ATXN1: variants seen among roughly 807,000 people sequenced by gnomAD.
The protein encoded by ATXN1 is ataxin 1.
ATXN1 carries 8 observed loss-of-function variants against 56.4 expected under a neutral mutation model. The observed-to-expected ratio is 0.14, with a 90% CI of 0.08 to 0.26. The LOEUF is 0.26. Among genes scored for constraint, ATXN1 ranks in the 10% least tolerant of loss-of-function variants. The pLI, the probability that ATXN1 is intolerant of heterozygous loss-of-function variation, is 1.00. For missense variants in ATXN1, 987 were observed against 1,106.5 expected (o/e 0.89, Z 1.53); for synonymous variants, 514 against 494.6 (o/e 1.04, Z -0.52).
At chr6:16,591,386 G>A (rs1762719895) in intron 3 of ATXN1, among the ~76,000 whole-genome samples, 2 of 152,020 alleles carry the variant, frequency 1.3e-5, no homozygotes, top group Admixed American at 1.3e-4. Context: ...AAAATGAGAA[G>A]GTAGAATAGA....
At chr6:16,319,782 A>T (rs1760602184) in intron 7 of ATXN1, among the ~76,000 whole-genome samples, 2 of 152,312 alleles carry the variant, frequency 1.3e-5, no homozygotes, top group East Asian at 3.9e-4. Context: ...ACAGTCTGAG[A>T]GAATCAAAAC....
intron 4 of ATXN1, among the ~76,000 whole-genome samples, chr6:16,552,050 T>C (rs1205363308): frequency 6.6e-6 from 1 of 152,220 alleles, no homozygotes; most frequent in Non-Finnish European, 1.5e-5. Flanking sequence ...GGTGGATATG[T>C]GTCGTGGGAG....
At chr6:16,618,935 T>G (rs1057306343) in intron 3 of ATXN1, among the ~76,000 whole-genome samples, 1 of 152,038 alleles carries the variant, frequency 6.6e-6, no homozygotes, top group Non-Finnish European at 1.5e-5. Flanking sequence ...ATACATGTAA[T>G]TGTGAGTAAA....
At chr6:16,740,040 T>G (rs1054846187) in intron 2 of ATXN1, 5 of 326,898 alleles carry the variant, frequency 1.5e-5, no homozygotes, top group Admixed American at 7.0e-5. Context: ...AAGAGAGAGA[T>G]AGATGGCCTT....
At chr6:16,650,267 G>A (rs1763871366) in intron 3 of ATXN1, among the ~76,000 whole-genome samples, 1 of 152,200 alleles carries the variant, frequency 6.6e-6, no homozygotes, top group South Asian at 2.1e-4. Context: ...AGTCACGGGA[G>A]ATGAGATTTA....
chr6:16,505,093 G>A (rs544559788), intron 5 of ATXN1, among the ~76,000 whole-genome samples: 1 of 149,814 alleles, frequency 6.7e-6, no homozygotes, highest in African/African-American at 2.5e-5. Context: ...CACACCCTCC[G>A]AGGAACGTAG....
intron 3 of ATXN1, among the ~76,000 whole-genome samples, chr6:16,607,088 A>ATGTTGGTCAGGCTG (rs11272204): frequency 0.72 from 108,959 of 151,782 alleles, 39,855 homozygotes; most frequent in East Asian, 0.95. Context: ...GGGTTTCACC[A>ATGTTGGTCAGGCTG]GTTTAAAACT....
chr6:16,746,017 G>A lies in ATXN1; in HGVS notation c.-615+7216C>T, dbSNP rs372533683. ...GAGATACTACCATAAGCAACATCTAGAGAGTGAGTGCACATTTAATCTTTC... is the reference window on the plus strand; with the variant it reads ...GAGATACTACCATAAGCAACATCTAAAGAGTGAGTGCACATTTAATCTTTC... On this transcript the variant is annotated intron_variant, in intron 2 of 7. Coordinates refer to ENST00000436367, the MANE Select transcript of ATXN1 (RefSeq NM_001128164.2). Among the ~76,000 whole-genome samples, 17 of 151,524 alleles carry A rather than the reference G, an allele frequency of 1.1e-4. 1 individual carries two copies. The South Asian group carries it at 3.3e-3, about 30-fold the overall frequency.
At chr6:16,522,516 G>C (rs1015182434) in intron 5 of ATXN1, 111 bp downstream of exon 5, 9 of 152,038 alleles carry the variant, frequency 5.9e-5, no homozygotes, top group African/African-American at 1.9e-4. Context: ...TTCCAAGCAG[G>C]AGAAAACTAG....
chr6:16,601,220 A>T (rs1482922486), intron 3 of ATXN1, among the ~76,000 whole-genome samples: 2 of 152,228 alleles, frequency 1.3e-5, no homozygotes, highest in African/African-American at 4.8e-5. Context: ...TGTAATTTCA[A>T]AATAGGGTAT....
At chr6:16,705,996 C>G (rs1040370897) in intron 2 of ATXN1, among the ~76,000 whole-genome samples, 4 of 152,002 alleles carry the variant, frequency 2.6e-5, no homozygotes, top group African/African-American at 9.7e-5. Context: ...CCTTCCTGAT[C>G]GAGACCCTGA....
intron 3 of ATXN1, among the ~76,000 whole-genome samples, chr6:16,587,107 T>G (rs565961763): frequency 7.1e-4 from 108 of 152,302 alleles, no homozygotes; most frequent in South Asian, 2.3e-3. Context: ...TTGTTTTGGA[T>G]TTGACTGTAC....
intron 7 of ATXN1, among the ~76,000 whole-genome samples, chr6:16,313,879 T>C (rs1760454306): frequency 6.6e-6 from 1 of 152,196 alleles, no homozygotes; most frequent in African/African-American, 2.4e-5. Context: ...TAATGAAATT[T>C]ATGTTAACCT....
At chr6:16,402,230 C>T (rs2113537468) in intron 6 of ATXN1, among the ~76,000 whole-genome samples, 1 of 130,852 alleles carries the variant, frequency 7.6e-6, no homozygotes, top group East Asian at 2.2e-4. Context: ...GACTTCTCGC[C>T]AACCACTGAC....
intron 6 of ATXN1, among the ~76,000 whole-genome samples, chr6:16,382,785 G>C (rs1281451575): frequency 6.6e-6 from 1 of 151,618 alleles, no homozygotes; most frequent in East Asian, 1.9e-4. Context: ...AATTGTCTTG[G>C]GCTGCACATA....
At chr6:16,445,597 T>G (rs2113604886) in intron 6 of ATXN1, among the ~76,000 whole-genome samples, 1 of 151,974 alleles carries the variant, frequency 6.6e-6, no homozygotes, top group Admixed American at 6.5e-5. Context: ...TATGTATACA[T>G]GTGCCATGCT....
In ATXN1 at chr6:16,611,849, A is replaced by ATTTTTTTTTTTT. The variant is rs369870821; in HGVS notation, c.-488-25954_-488-25943dup. On this transcript the variant is annotated intron_variant, in intron 3 of 7. Coordinates refer to ENST00000436367, the MANE Select transcript of ATXN1 (RefSeq NM_001128164.2). Reference sequence around the variant, plus strand: ...GTCCTTGGAAAAATAAGCAGATGAAATTTTTTTTTTTTTTTTTTTTTTTTT... The same window carrying ATTTTTTTTTTTT: ...GTCCTTGGAAAAATAAGCAGATGAAATTTTTTTTTTTTTTTTTTTTTTTTTTTTTTTTTTTTT... 8.6e-4 allele frequency among the ~76,000 whole-genome samples: 65 copies of ATTTTTTTTTTTT among 75,178 alleles called. 8 individuals carry two copies. The highest frequency in any genetic ancestry group is 1.3e-3 in the Admixed American group (6 of 4,580). 49.3% of individuals were successfully genotyped at this position (75,178 alleles called of 152,430 possible). A position where few individuals can be genotyped will look rare whatever the true frequency, so the allele number is the denominator to read the frequency against.
At chr6:16,608,161 C>T (rs955169450) in intron 3 of ATXN1, among the ~76,000 whole-genome samples, 17 of 152,216 alleles carry the variant, frequency 1.1e-4, no homozygotes, top group Non-Finnish European at 1.8e-4. Context: ...TACCTCTGTT[C>T]TAGAACCATC....
intron 4 of ATXN1, among the ~76,000 whole-genome samples, chr6:16,582,445 A>G (rs1465502909): frequency 1.3e-5 from 2 of 152,232 alleles, no homozygotes; most frequent in East Asian, 3.8e-4. Flanking sequence ...TGGGATTAAA[A>G]TTAAAGACCT....
Sources: allele counts gnomAD v4.1 joint callset (sites outside exome capture counted in the v4.1 genomes callset), GRCh38; gene constraint gnomAD v4.1.1; transcripts MANE v1.5; gene names NCBI Gene and HGNC (gene_info 2026-07-23, HGNC 2026-07-21).